Variants in MAP3K4 observed in about 807,000 individuals in gnomAD.
The protein encoded by MAP3K4 is mitogen-activated protein kinase kinase kinase 4, also known as MAP three kinase 1.
In MAP3K4, 67 loss-of-function variants were observed where a neutral mutation model predicts 185.6. The observed-to-expected ratio is 0.36, with a 90% confidence interval of 0.30 to 0.44. The LOEUF (loss-of-function observed/expected upper bound fraction) is 0.44. MAP3K4 is among the 20% of genes least tolerant of loss of function. The pLI, the probability that MAP3K4 is intolerant of heterozygous loss-of-function variation, is 1.00. For synonymous variants in MAP3K4, 702 were observed against 710.4 expected, an observed-to-expected ratio of 0.99 and a Z score of 0.19; for missense variants, 1,551 against 1,995.1, an observed-to-expected ratio of 0.78 and a Z score of 4.24.
At position 161,074,951 on chromosome 6, in the gene MAP3K4, G is replaced by A. The variant is rs1785104943; in HGVS notation, c.2097+1339G>A. Among the ~76,000 whole-genome samples the A allele has an allele frequency of 6.6e-6, 1 of 152,146 alleles. No homozygotes were observed. The highest frequency in any genetic ancestry group is 2.1e-4 in the South Asian group (1 of 4,826). ...CTGCCTTTTGTTGACCAGACCTGTT[G>A]CATGGCCTCACTGTTGCCATGGAGG... On this transcript the variant is annotated intron_variant, in intron 5 of 26. Transcript: ENST00000392142. The surrounding 1 kb of genome is among the most constrained non-coding windows in gnomAD (Gnocchi z 5.0).
intron 1 of MAP3K4, among the ~76,000 whole-genome samples, chr6:160,998,347 A>G (rs1781102617): frequency 1.3e-5 from 2 of 152,204 alleles, no homozygotes; most frequent in Admixed American, 6.5e-5. Flanking sequence ...ATACATACTA[A>G]TTTTTCCTAA....
chr6:161,044,431 G>A (rs1226518896), intron 2 of MAP3K4, among the ~76,000 whole-genome samples: 1 of 152,132 alleles, frequency 6.6e-6, no homozygotes, highest in African/African-American at 2.4e-5. Flanking sequence ...TAGGCTTTTG[G>A]TTGTTATTAA....
intron 1 of MAP3K4, among the ~76,000 whole-genome samples, chr6:161,005,139 CTTTTTTTTT>C: frequency 7.1e-6 from 1 of 140,824 alleles, no homozygotes; most frequent in Non-Finnish European, 1.6e-5. Context: ...AGTATATAAA[CTTTTTTTTT>C]TTTTTTTTGA....
intron 3 of MAP3K4, among the ~76,000 whole-genome samples, chr6:161,062,163 T>C (rs1374869258): frequency 6.6e-6 from 1 of 152,232 alleles, no homozygotes; most frequent in East Asian, 1.9e-4. Context: ...CTTCAATTTT[T>C]TAATCTGCTT....
chr6:161,038,444 A>T (rs562579366), intron 2 of MAP3K4, among the ~76,000 whole-genome samples: 2 of 152,232 alleles, frequency 1.3e-5, no homozygotes, highest in Non-Finnish European at 2.9e-5. Context: ...AGATTTATTT[A>T]AAAAGCTGTC....
chr6:161,010,949 G>T (rs993753062), intron 1 of MAP3K4, among the ~76,000 whole-genome samples: 1 of 152,158 alleles, frequency 6.6e-6, no homozygotes, highest in African/African-American at 2.4e-5. Context: ...GCACCGTAAG[G>T]CAGTCACTGA....
intron 1 of MAP3K4, among the ~76,000 whole-genome samples, chr6:161,024,568 A>C (rs922355107): frequency 3.3e-5 from 5 of 152,116 alleles, no homozygotes; most frequent in Non-Finnish European, 7.4e-5. Flanking sequence ...TGACTTTGAC[A>C]GTTTTGAGAA....
At position 161,102,734 on chromosome 6, in the gene MAP3K4, A is replaced by G. The variant is rs1777888403; in HGVS notation, c.3811A>G (p.Thr1271Ala). The change falls in exon 19 of 27, where the codon ACA becomes GCA. Residue 1271 changes from threonine to alanine, a missense_variant. Thr to Ala is a moderately conservative substitution (Grantham distance 58, BLOSUM62 0). Coordinates refer to ENST00000392142, the MANE Select transcript of MAP3K4 (RefSeq NM_005922.4). ...AYPRGDSSGS[T>A]RRSWELRTLI... ...TCCAAGAGGAGATTCAAGTGGGTCCACAAGAAGAAGTTGGGAACTTCGGAC... is the reference window on the plus strand; with the variant it reads ...TCCAAGAGGAGATTCAAGTGGGTCCGCAAGAAGAAGTTGGGAACTTCGGAC... 3 of 1,602,730 alleles carry G rather than the reference A, an allele frequency of 1.9e-6. No homozygotes were observed. Among genetic ancestry groups the G allele is most frequent in the African/African-American group, 2.7e-5 (2 of 74,258 alleles).
intron 1 of MAP3K4, among the ~76,000 whole-genome samples, chr6:160,999,963 C>A (rs753142198): frequency 5.9e-5 from 9 of 152,138 alleles, no homozygotes; most frequent in Non-Finnish European, 1.3e-4. Flanking sequence ...TAAAGAAGAG[C>A]CAATGCTCAG....
chr6:161,088,066 A>T lies in MAP3K4; in HGVS notation c.2823+112A>T, dbSNP rs918430608. ...TGACTACCCTAGTAATCACAAGTAT[A>T]TACTTCCCAAAAATATGCCTCAATG... On this transcript the variant is annotated intron_variant, in intron 10 of 26. Transcript: ENST00000392142. This position sits in a 1 kb window ranked among gnomAD's most constrained non-coding sequence, Gnocchi z 4.5. 2.8e-6 allele frequency: 3 copies of T among 1,090,536 alleles called. No homozygotes were observed. The African/African-American group carries it at 4.8e-5, about 18-fold the overall frequency. The allele number at this position is 1,090,536 out of a possible 1,614,324, so 67.6% of individuals were successfully genotyped here.
intron 2 of MAP3K4, among the ~76,000 whole-genome samples, chr6:161,038,839 G>A (rs1261200882): frequency 2.6e-5 from 4 of 152,114 alleles, no homozygotes; most frequent in South Asian, 2.1e-4. Context: ...AAACATCCAC[G>A]ATGGCTCCCT....
intron 3 of MAP3K4, among the ~76,000 whole-genome samples, chr6:161,066,582 A>G (rs1784725010): frequency 6.6e-6 from 1 of 151,960 alleles, no homozygotes; most frequent in Admixed American, 6.6e-5. Context: ...GAGTATTTTT[A>G]TTGTTCTCTC....
In MAP3K4 at chr6:161,081,083, C is replaced by T. The variant is rs377404449; in HGVS notation, c.2255+45C>T. The T allele has an allele frequency of 4.4e-6, 7 of 1,586,958 alleles. No individual in the cohort carries two copies. In the African/African-American group the frequency reaches 9.5e-5, roughly 21 times the overall value. On this transcript the variant is annotated intron_variant, in intron 6 of 26. Transcript: ENST00000392142. ...TGAACGCGACGCTCCCACCTTCTCA[C>T]TCTCACACCATTTACTCACTGATTC...
intron 1 of MAP3K4, among the ~76,000 whole-genome samples, chr6:161,000,990 TTATATATTATAATATACACATA>T (rs1781268293): frequency 1.6e-5 from 2 of 125,184 alleles, no homozygotes; most frequent in Admixed American, 1.7e-4. Flanking sequence ...ATAATATATA[TTATATATTATAATATACACATA>T]TGTATATAAT....
Position 161,075,842 on chromosome 6 carries a change from G to C in MAP3K4, c.2097+2230G>C, listed in dbSNP as rs1785149947. Among the ~76,000 whole-genome samples the C allele has an allele frequency of 6.6e-6, 1 of 152,196 alleles. No individual in the cohort carries two copies. Among genetic ancestry groups the C allele is most frequent in the African/African-American group, 2.4e-5 (1 of 41,454 alleles). On this transcript the variant is annotated intron_variant, in intron 5 of 26. Coordinates refer to ENST00000392142, the MANE Select transcript of MAP3K4 (RefSeq NM_005922.4). This position sits in a 1 kb window ranked among gnomAD's most constrained non-coding sequence, Gnocchi z 4.3. ...CTTACAGATGAAAAAACTAGAGACT[G>C]TCAGTGTTTTAAAATTATGGCCTAT...
chr6:161,047,587 G>A (rs971814818), intron 2 of MAP3K4, among the ~76,000 whole-genome samples: 2 of 152,040 alleles, frequency 1.3e-5, no homozygotes, highest in African/African-American at 2.4e-5. Context: ...ATAGGTTTGG[G>A]CATTATCGAT....
At chr6:161,092,470 A>G (rs1686943988) in intron 13 of MAP3K4, among the ~76,000 whole-genome samples, 1 of 152,124 alleles carries the variant, frequency 6.6e-6, no homozygotes, top group South Asian at 2.1e-4. Context: ...GCAGGGGTGA[A>G]ATGGGTGAAT....
intron 11 of MAP3K4, among the ~76,000 whole-genome samples, chr6:161,090,981 A>G: frequency 6.6e-6 from 1 of 152,232 alleles, no homozygotes; most frequent in East Asian, 1.9e-4. Context: ...ACTAGGGAGT[A>G]GCAGGGAAAT....
chr6:161,008,427 C>A lies in MAP3K4; in HGVS notation c.152+16344C>A, dbSNP rs1158084024. 6.6e-6 allele frequency among the ~76,000 whole-genome samples: 1 copy of A among 152,006 alleles called. No individual in the cohort carries two copies. Among genetic ancestry groups the A allele is most frequent in the Non-Finnish European group, 1.5e-5 (1 of 67,982 alleles). On this transcript the variant is annotated intron_variant, in intron 1 of 26. Coordinates refer to ENST00000392142, the MANE Select transcript of MAP3K4 (RefSeq NM_005922.4). This position sits in a 1 kb window ranked among gnomAD's most constrained non-coding sequence, Gnocchi z 4.1. ...GTGTAAATATATGTAAAATTATAAT[C>A]CATTTTATTCTTTACAGAATTTTAC...
Sources: gnomAD v4.1 joint callset for allele counts (sites outside exome capture counted in the v4.1 genomes callset) on GRCh38, gnomAD v4.1.1 for gene constraint, Gnocchi (gnomAD v3.1) non-coding constraint, MANE v1.5 for transcripts, NCBI Gene and HGNC (gene_info 2026-07-23, HGNC 2026-07-21) for gene names.